SH3BGRL: variants seen among roughly 807,000 people sequenced by gnomAD.
SH3BGRL encodes adapter SH3BGRL.
Under a neutral mutation model 9.8 loss-of-function variants are expected in SH3BGRL, and 7 were observed. The ratio of observed to expected loss-of-function variants is 0.72; its 90% CI spans 0.41 to 1.35. SH3BGRL has a LOEUF of 1.35. Ranked by LOEUF, SH3BGRL falls within the 40% of genes most tolerant of loss-of-function variation. The probability of loss-of-function intolerance (pLI) is 0.01; values close to 1 mark genes in which losing one functional copy is unlikely to be tolerated. For missense variants in SH3BGRL, 73 were observed against 84.4 expected, an observed-to-expected ratio of 0.86 and a Z score of 0.53; for synonymous variants, 36 against 29.1, an observed-to-expected ratio of 1.24 and a Z score of -0.76.
At chrX:81,270,255 T>C (rs1166568531) in intron 1 of SH3BGRL, among the ~76,000 whole-genome samples, 1 of 111,482 alleles carries the variant, frequency 9.0e-6, no homozygotes, top group East Asian at 2.8e-4. Context: ...TCCAGTTTTG[T>C]TCCCTTGCTG....
chrX:81,290,590 G>A (rs188542187), intron 3 of SH3BGRL, among the ~76,000 whole-genome samples: 8 of 110,803 alleles, frequency 7.2e-5, no homozygotes, highest in African/African-American at 2.6e-4. Context: ...AAGGTAGTGG[G>A]TGATTGAGAA....
At chrX:81,228,206 A>C (rs192780522) in intron 1 of SH3BGRL, among the ~76,000 whole-genome samples, 6 of 111,902 alleles carry the variant, frequency 5.4e-5, no homozygotes, top group African/African-American at 1.6e-4. Context: ...ACATGTGCCC[A>C]TGTTGGTGGT....
intron 1 of SH3BGRL, among the ~76,000 whole-genome samples, chrX:81,241,605 T>C (rs1180954874): frequency 1.8e-5 from 2 of 111,768 alleles, no homozygotes; most frequent in Non-Finnish European, 3.8e-5. Context: ...CTCCTGAGTG[T>C]TCTGTCACTC....
intron 1 of SH3BGRL, among the ~76,000 whole-genome samples, chrX:81,267,049 T>C (rs1015401782): frequency 8.9e-6 from 1 of 112,150 alleles, no homozygotes; most frequent in Non-Finnish European, 1.9e-5. Context: ...TTTTTGCACA[T>C]TGACTTTGCA....
chrX:81,202,532 A>G (rs2075532190), intron 1 of SH3BGRL: 1 of 925,049 alleles, frequency 1.1e-6, no homozygotes, highest in East Asian at 5.6e-5. Flanking sequence ...AGATGGTGCT[A>G]TACGGTCTTT....
intron 1 of SH3BGRL, among the ~76,000 whole-genome samples, chrX:81,228,654 C>A (rs2037548191): frequency 9.0e-6 from 1 of 111,514 alleles, no homozygotes; most frequent in South Asian, 3.8e-4. Context: ...TTTGGAATGC[C>A]CCTAGCCAAG....
chrX:81,282,976 A>C (rs752760509), intron 3 of SH3BGRL, among the ~76,000 whole-genome samples: 1 of 112,583 alleles, frequency 8.9e-6, no homozygotes, highest in East Asian at 2.8e-4. Context: ...CTAAGAAATG[A>C]AACAGGAAAT....
At chrX:81,272,172 G>GGGTGAC (rs1291793384) in intron 1 of SH3BGRL, among the ~76,000 whole-genome samples, 1 of 97,981 alleles carries the variant, frequency 1.0e-5, no homozygotes, top group Non-Finnish European at 2.1e-5. Flanking sequence ...ACTCCAGCCT[G>GGGTGAC]GGTGACAGAG....
At chrX:81,249,981 A>T (rs1160657683) in intron 1 of SH3BGRL, among the ~76,000 whole-genome samples, 1 of 111,397 alleles carries the variant, frequency 9.0e-6, no homozygotes, top group Non-Finnish European at 1.9e-5. Flanking sequence ...TGTATAATTT[A>T]AAATAAATTT....
chrX:81,247,549 A>T lies in SH3BGRL; in HGVS notation c.46-29435A>T, dbSNP rs1325751256. Among the ~76,000 whole-genome samples, 3 of 112,011 alleles carry T rather than the reference A, an allele frequency of 2.7e-5. No individual in the cohort carries two copies. The East Asian group carries it at 8.4e-4, about 31-fold the overall frequency. On this transcript the variant is annotated intron_variant, in intron 1 of 3. Coordinates refer to ENST00000373212, the MANE Select transcript of SH3BGRL (RefSeq NM_003022.3). ...GGATTTTATTGAAAGCTTTTTCTGCATCTATTGAGATGATTATATGGCTTT... is the reference window on the plus strand; with the variant it reads ...GGATTTTATTGAAAGCTTTTTCTGCTTCTATTGAGATGATTATATGGCTTT...
At chrX:81,227,491 G>A (rs368971493) in intron 1 of SH3BGRL, among the ~76,000 whole-genome samples, 1 of 111,795 alleles carries the variant, frequency 8.9e-6, no homozygotes, top group East Asian at 2.8e-4. Context: ...GTTCAAGTCT[G>A]TGCGAAGAAT....
At chrX:81,246,498 G>A (rs930569023) in intron 1 of SH3BGRL, among the ~76,000 whole-genome samples, 1 of 111,710 alleles carries the variant, frequency 9.0e-6, no homozygotes, top group East Asian at 2.8e-4. Flanking sequence ...ATGAAAGGAA[G>A]GGGCCCAGAT....
chrX:81,220,453 T>C (rs921028340), intron 1 of SH3BGRL, among the ~76,000 whole-genome samples: 8 of 111,661 alleles, frequency 7.2e-5, no homozygotes, highest in African/African-American at 2.6e-4. Context: ...TTTTGTGGTA[T>C]TGGTTGTAAT....
intron 1 of SH3BGRL, among the ~76,000 whole-genome samples, chrX:81,219,028 C>T (rs2075591605): frequency 1.8e-5 from 2 of 108,999 alleles, no homozygotes; most frequent in Admixed American, 9.9e-5. Flanking sequence ...AGAAAGAAAT[C>T]GAAAACTTAT....
At chrX:81,216,514 C>T (rs1226612583) in intron 1 of SH3BGRL, among the ~76,000 whole-genome samples, 1 of 111,116 alleles carries the variant, frequency 9.0e-6, no homozygotes, top group African/African-American at 3.3e-5. Context: ...CCTGGTTGCA[C>T]TGTCAAATAG....
At chrX:81,250,401 C>T (rs1183855807) in intron 1 of SH3BGRL, among the ~76,000 whole-genome samples, 5 of 46,391 alleles carry the variant, frequency 1.1e-4, no homozygotes, top group Non-Finnish European at 1.4e-4. Flanking sequence ...AGCGAGACTC[C>T]GTCTCAAAAA....
At chrX:81,232,281 A>G (rs1463708565) in intron 1 of SH3BGRL, among the ~76,000 whole-genome samples, 1 of 111,176 alleles carries the variant, frequency 9.0e-6, no homozygotes, top group Non-Finnish European at 1.9e-5. Context: ...AAATAGGGGT[A>G]ATAGTATTAC....
At chrX:81,209,867 A>C (rs2075558161) in intron 1 of SH3BGRL, among the ~76,000 whole-genome samples, 2 of 111,570 alleles carry the variant, frequency 1.8e-5, no homozygotes, top group Admixed American at 9.5e-5. Context: ...ACTTAAAAAT[A>C]ATATTTGTCT....
At chrX:81,205,613 G>A (rs1185741216) in intron 1 of SH3BGRL, among the ~76,000 whole-genome samples, 1 of 106,851 alleles carries the variant, frequency 9.4e-6, no homozygotes, top group African/African-American at 3.4e-5. Context: ...AATAAACATG[G>A]GAGTGCAGAT....
Sources: allele counts gnomAD v4.1 joint callset (sites outside exome capture counted in the v4.1 genomes callset), GRCh38; gene constraint gnomAD v4.1.1; transcripts MANE v1.5; gene names NCBI Gene and HGNC (gene_info 2026-07-23, HGNC 2026-07-21).